The following SORCS2 variants were observed in gnomAD, a reference collection of about 807,000 sequenced individuals.
SORCS2 encodes the protein VPS10 domain-containing receptor SorCS2.
SORCS2 carries 100 observed loss-of-function variants against 141.6 expected under a neutral mutation model. The observed-to-expected ratio is 0.71, with a 90% CI of 0.60 to 0.83. The LOEUF is 0.83. SORCS2 is among the 40% of genes least tolerant of loss of function. The pLI is 0.00. For synonymous variants in SORCS2, 789 were observed against 676.9 expected, an observed-to-expected ratio of 1.17 and a Z score of -2.57; for missense variants, 1,646 against 1,560.2, an observed-to-expected ratio of 1.05 and a Z score of -0.93.
Position 7,304,039 on chromosome 4 carries a change from G to C in SORCS2, c.481-92249G>C, listed in dbSNP as rs550145673. Among the ~76,000 whole-genome samples the C allele has an allele frequency of 2.3e-3, 347 of 152,370 alleles. 2 individuals are homozygous for C. Among genetic ancestry groups the C allele is most frequent in the South Asian group, 9.9e-3 (48 of 4,830 alleles). On this transcript the variant is annotated intron_variant, in intron 1 of 26. Coordinates refer to ENST00000507866, the MANE Select transcript of SORCS2 (RefSeq NM_020777.3). ...AGCCTCAATTTACAGATGGAAACCC[G>C]ATGTGGAGTTTCTTTTCCACACCTT...
intron 3 of SORCS2, among the ~76,000 whole-genome samples, chr4:7,601,899 C>G (rs1302556640): frequency 6.6e-6 from 1 of 152,160 alleles, no homozygotes; most frequent in African/African-American, 2.4e-5. Context: ...CTTCAAGCAT[C>G]TGTTTAACAA....
chr4:7,553,480 G>A (rs1713875295), intron 3 of SORCS2, among the ~76,000 whole-genome samples: 1 of 152,234 alleles, frequency 6.6e-6, no homozygotes, highest in Non-Finnish European at 1.5e-5. Flanking sequence ...TTTATACCCA[G>A]CTAAGCTGTC....
intron 2 of SORCS2, among the ~76,000 whole-genome samples, chr4:7,436,830 T>C (rs1727335893): frequency 6.6e-6 from 1 of 152,212 alleles, no homozygotes; most frequent in Non-Finnish European, 1.5e-5. Context: ...CTTCTGTGTA[T>C]GTCTTGGATG....
intron 1 of SORCS2, among the ~76,000 whole-genome samples, chr4:7,389,379 T>C (rs78368045): frequency 0.13 from 19,802 of 152,040 alleles, 1,842 homozygotes; most frequent in East Asian, 0.49. Context: ...CAGCGAGGCA[T>C]GTCTGAGACT....
At chr4:7,296,825 CT>C (rs1201983784) in intron 1 of SORCS2, among the ~76,000 whole-genome samples, 1 of 152,228 alleles carries the variant, frequency 6.6e-6, no homozygotes, top group African/African-American at 2.4e-5. Flanking sequence ...CACTGCGTGG[CT>C]TCCCTCTATC....
At chr4:7,267,780 C>G (rs148794137) in intron 1 of SORCS2, among the ~76,000 whole-genome samples, 2 of 152,242 alleles carry the variant, frequency 1.3e-5, no homozygotes, top group Non-Finnish European at 2.9e-5. Context: ...TGCAGTGAGC[C>G]GAGATTGCGC....
chr4:7,691,436 G>A (rs943626983), intron 11 of SORCS2, among the ~76,000 whole-genome samples: 3 of 152,272 alleles, frequency 2.0e-5, no homozygotes, highest in Non-Finnish European at 2.9e-5. Flanking sequence ...TGAAGCCTAC[G>A]TGCAGGGCTG....
intron 2 of SORCS2, among the ~76,000 whole-genome samples, chr4:7,422,120 A>T (rs1726114140): frequency 6.6e-6 from 1 of 152,162 alleles, no homozygotes. Flanking sequence ...TGTACGGGTT[A>T]ATCGTCACCC....
chr4:7,696,861 G>C (rs1724744552), intron 11 of SORCS2, among the ~76,000 whole-genome samples: 1 of 152,172 alleles, frequency 6.6e-6, no homozygotes, highest in African/African-American at 2.4e-5. Context: ...CCCATGATTG[G>C]CCCACCTGGC....
At chr4:7,259,984 TG>T (rs1156278493) in intron 1 of SORCS2, among the ~76,000 whole-genome samples, 1 of 152,216 alleles carries the variant, frequency 6.6e-6, no homozygotes, top group Non-Finnish European at 1.5e-5. Flanking sequence ...GAGGGTGATT[TG>T]GGGGAATGAC....
At chr4:7,571,181 G>A (rs757456076) in intron 3 of SORCS2, among the ~76,000 whole-genome samples, 2 of 152,198 alleles carry the variant, frequency 1.3e-5, no homozygotes, top group African/African-American at 2.4e-5. Context: ...GCATTTACTC[G>A]TTAGGTTTTT....
At chr4:7,304,123 G>T (rs533705052) in intron 1 of SORCS2, among the ~76,000 whole-genome samples, 40 of 152,242 alleles carry the variant, frequency 2.6e-4, no homozygotes, top group Non-Finnish European at 4.8e-4. Context: ...AGGCATGTGT[G>T]GTCCCCACGC....
intron 3 of SORCS2, among the ~76,000 whole-genome samples, chr4:7,597,198 A>AG (rs1717327409): frequency 6.8e-6 from 1 of 147,204 alleles, no homozygotes; most frequent in Non-Finnish European, 1.5e-5. Context: ...ACAATGGAAG[A>AG]GGGGGCTATT....
chr4:7,496,390 GC>G (rs1414503748), intron 2 of SORCS2, among the ~76,000 whole-genome samples: 1 of 150,322 alleles, frequency 6.7e-6, no homozygotes, highest in Non-Finnish European at 1.5e-5. Context: ...ACACCACCCA[GC>G]CCCCAGGAAT....
intron 1 of SORCS2, among the ~76,000 whole-genome samples, chr4:7,291,482 G>A (rs559142214): frequency 6.6e-6 from 1 of 152,308 alleles, no homozygotes; most frequent in East Asian, 1.9e-4. Flanking sequence ...CTGGCTCGGT[G>A]GTGGATGGTG....
intron 3 of SORCS2, among the ~76,000 whole-genome samples, chr4:7,606,602 C>T (rs568954290): frequency 3.9e-5 from 6 of 152,038 alleles, no homozygotes; most frequent in Non-Finnish European, 8.8e-5. Context: ...CGTCCTGTGC[C>T]TTGAGGGCCG....
At chr4:7,439,143 C>G (rs1326847046) in intron 2 of SORCS2, among the ~76,000 whole-genome samples, 1 of 152,070 alleles carries the variant, frequency 6.6e-6, no homozygotes, top group Non-Finnish European at 1.5e-5. Context: ...TTACCTCTTC[C>G]TGACATGGGG....
chr4:7,740,569 C>T lies in SORCS2; in HGVS notation c.*305C>T, dbSNP rs1712592414. ...CCACGTGCTGTCGCTCAGCCCGAGG[C>T]CTGACTTCTCTGGGCTGAGGCTGGT... On this transcript the variant is annotated 3_prime_UTR_variant, in exon 27 of 27. Coordinates refer to ENST00000507866, the MANE Select transcript of SORCS2 (RefSeq NM_020777.3). The T allele has an allele frequency of 2.2e-6, 1 of 453,782 alleles. No individual in the cohort carries two copies. Among genetic ancestry groups the T allele is most frequent in the Admixed American group, 3.3e-5 (1 of 30,064 alleles). 28.1% of individuals were successfully genotyped at this position (453,782 alleles called of 1,614,324 possible).
intron 1 of SORCS2, among the ~76,000 whole-genome samples, chr4:7,328,214 T>G (rs1477810657): frequency 2.0e-5 from 3 of 151,082 alleles, no homozygotes; most frequent in African/African-American, 7.3e-5. Flanking sequence ...TTTTTCATTT[T>G]TAGTAGAGAT....
Sources: allele counts gnomAD v4.1 joint callset (sites outside exome capture counted in the v4.1 genomes callset), GRCh38; gene constraint gnomAD v4.1.1; transcripts MANE v1.5; gene names NCBI Gene and HGNC (gene_info 2026-07-23, HGNC 2026-07-21).